The following DHRSX variants were observed in gnomAD, a reference collection of about 807,000 sequenced individuals.
DHRSX encodes the protein dehydrogenase/reductase X-linked, also known as polyprenol dehydrogenase.
Under a neutral mutation model 34.0 loss-of-function variants are expected in DHRSX, and 31 were observed. The ratio of observed to expected loss-of-function variants is 0.91; its 90% confidence interval spans 0.69 to 1.23. The LOEUF is 1.23. DHRSX is among the 50% of genes most tolerant of loss of function. The pLI is 0.00. For missense variants in DHRSX, 414 were observed against 428.1 expected, an observed-to-expected ratio of 0.97 and a Z score of 0.29; for synonymous variants, 201 against 183.8, an observed-to-expected ratio of 1.09 and a Z score of -0.76.
chrX:2,454,290 G>A (rs1432987231), intron 1 of DHRSX, among the ~76,000 whole-genome samples: 1 of 152,106 alleles, frequency 6.6e-6, no homozygotes, highest in Non-Finnish European at 1.5e-5. Context: ...ACTTTGGGAG[G>A]CTGAGGCGGG....
chrX:2,399,743 CA>C (rs951340315), intron 3 of DHRSX, among the ~76,000 whole-genome samples: 5 of 54,664 alleles, frequency 9.1e-5, no homozygotes, highest in African/African-American at 1.6e-4. Context: ...AAAAAAAAAA[CA>C]AAAAAACACA....
At chrX:2,257,226 T>C (rs2041292053) in intron 5 of DHRSX, among the ~76,000 whole-genome samples, 1 of 152,256 alleles carries the variant, frequency 6.6e-6, no homozygotes, top group Non-Finnish European at 1.5e-5. Flanking sequence ...AGTGCTGGGA[T>C]GACAGGCGTG....
chrX:2,475,854 C>G (rs189776709), intron 1 of DHRSX, among the ~76,000 whole-genome samples: 3 of 152,158 alleles, frequency 2.0e-5, no homozygotes, highest in African/African-American at 7.2e-5. Context: ...CCATGACTAG[C>G]CACAAACCCA....
chrX:2,262,911 C>T lies in DHRSX; in HGVS notation c.596+3829G>A, dbSNP rs762271624. ...GCCAAGGTATCCTAGGAGGCCCCCA[C>T]GGCCCTCCCTTCGTTACATCCTGCC... On this transcript the variant is annotated intron_variant, in intron 5 of 6. Transcript: ENST00000334651. Among the ~76,000 whole-genome samples the T allele has an allele frequency of 2.6e-5, 4 of 152,332 alleles. No individual in the cohort carries two copies. The East Asian group carries it at 5.8e-4, about 22-fold the overall frequency.
At chrX:2,435,402 T>A (rs1268668939) in intron 1 of DHRSX, among the ~76,000 whole-genome samples, 1 of 151,944 alleles carries the variant, frequency 6.6e-6, no homozygotes, top group Non-Finnish European at 1.5e-5. Context: ...GATTCTTTCC[T>A]ATTATTTCTT....
intron 3 of DHRSX, among the ~76,000 whole-genome samples, chrX:2,353,584 A>ATTTTTTTTT (rs774278281): frequency 7.3e-6 from 1 of 136,130 alleles, no homozygotes. Flanking sequence ...AGCTGATTGC[A>ATTTTTTTTT]TTTTTTTTTT....
intron 3 of DHRSX, among the ~76,000 whole-genome samples, chrX:2,371,402 A>ACATTACCATAGACCCTCCTTC (rs2043062774): frequency 3.8e-5 from 1 of 26,122 alleles, no homozygotes; most frequent in Non-Finnish European, 9.9e-5. Flanking sequence ...CCCCCTTCTC[A>ACATTACCATAGACCCTCCTTC]CATTACCATA....
intron 5 of DHRSX, among the ~76,000 whole-genome samples, chrX:2,260,460 A>ATTT (rs772144524): frequency 2.7e-4 from 34 of 124,164 alleles, no homozygotes; most frequent in East Asian, 1.2e-3. Context: ...TTTCTACTTC[A>ATTT]TTTTTTTTTT....
chrX:2,329,114 C>A (rs2042425937), intron 3 of DHRSX, among the ~76,000 whole-genome samples: 1 of 152,142 alleles, frequency 6.6e-6, no homozygotes, highest in South Asian at 2.1e-4. Context: ...AGATTCTGCA[C>A]TTGTACTCCC....
At chrX:2,264,214 G>A (rs1303816863) in intron 5 of DHRSX, among the ~76,000 whole-genome samples, 7 of 152,138 alleles carry the variant, frequency 4.6e-5, no homozygotes, top group Admixed American at 6.5e-5. Flanking sequence ...CAGAGCACAT[G>A]TGCCCAGCAG....
chrX:2,490,431 G>C (rs781240287), intron 1 of DHRSX: 1 of 1,613,988 alleles, frequency 6.2e-7, no homozygotes, highest in South Asian at 1.1e-5. Context: ...TCGGGCTTCA[G>C]CTTGGAGAAG....
Position 2,485,067 on chromosome X carries a change from A to G in DHRSX, c.109+15750T>C, listed in dbSNP as rs1317657. Among the ~76,000 whole-genome samples, 1,400 of 152,142 alleles carry G rather than the reference A, an allele frequency of 9.2e-3. 10 individuals are homozygous for G. Among genetic ancestry groups the G allele is most frequent in the Non-Finnish European group, 0.014 (985 of 67,998 alleles). ...TCTGCAAAGTGGGGGGGAAACAAAA[A>G]CAACCAGCTCAGAGTTAGGGCTGTG... On this transcript the variant is annotated intron_variant, in intron 1 of 6. Coordinates refer to ENST00000334651, the MANE Select transcript of DHRSX (RefSeq NM_145177.3).
chrX:2,458,271 C>A (rs779544416), intron 1 of DHRSX, among the ~76,000 whole-genome samples: 8 of 152,258 alleles, frequency 5.3e-5, no homozygotes, highest in African/African-American at 1.9e-4. Flanking sequence ...AAGGTCCAGC[C>A]ATTGGCCTGC....
intron 3 of DHRSX, among the ~76,000 whole-genome samples, chrX:2,297,962 G>C (rs1215964807): frequency 6.6e-6 from 1 of 151,870 alleles, no homozygotes; most frequent in Admixed American, 6.6e-5. Context: ...CACCATGTTG[G>C]CCGGGCTGGT....
Position 2,420,636 on chromosome X carries a change from A to G in DHRSX, c.217+4561T>C, listed in dbSNP as rs1240912681. Among the ~76,000 whole-genome samples, 4 of 137,054 alleles carry G rather than the reference A, an allele frequency of 2.9e-5. No homozygotes were observed. The Admixed American group carries it at 2.9e-4, about 10-fold the overall frequency. 89.9% of individuals were successfully genotyped at this position (137,054 alleles called of 152,430 possible). A position where few individuals can be genotyped will look rare whatever the true frequency, so the allele number is the denominator to read the frequency against. On this transcript the variant is annotated intron_variant, in intron 2 of 6. Transcript: ENST00000334651. ...TGTGCTCCTGTAGTCCCAGCTACTC[A>G]GGAGGCTGAGGCAGCAGAATCGCTT...
chrX:2,254,034 T>C (rs1004090994), intron 5 of DHRSX, among the ~76,000 whole-genome samples: 2 of 151,208 alleles, frequency 1.3e-5, no homozygotes, highest in African/African-American at 4.9e-5. Context: ...CACTCCAGCC[T>C]GGGCAACAAA....
chrX:2,437,714 T>A (rs1022086607), intron 1 of DHRSX, among the ~76,000 whole-genome samples: 686 of 68,496 alleles, frequency 0.01, 10 homozygotes, highest in East Asian at 0.024. Flanking sequence ...TGTGTGTGTG[T>A]GTGTGTGTGT....
chrX:2,328,735 G>T (rs1264511199), intron 3 of DHRSX, among the ~76,000 whole-genome samples: 3 of 152,190 alleles, frequency 2.0e-5, no homozygotes, highest in Non-Finnish European at 4.4e-5. Context: ...TGTTTAAGCG[G>T]CCCAGCCTGT....
At chrX:2,326,921 C>G (rs1223014764) in intron 3 of DHRSX, among the ~76,000 whole-genome samples, 2 of 151,976 alleles carry the variant, frequency 1.3e-5, no homozygotes, top group African/African-American at 4.8e-5. Flanking sequence ...AAGCGATTCT[C>G]CTGCCTCAGC....
Sources: allele counts gnomAD v4.1 joint callset (sites outside exome capture counted in the v4.1 genomes callset), GRCh38; gene constraint gnomAD v4.1.1; transcripts MANE v1.5; gene names NCBI Gene and HGNC (gene_info 2026-07-23, HGNC 2026-07-21).